Variants in NEMF observed in about 807,000 individuals in gnomAD.
The protein encoded by NEMF is ribosome quality control complex subunit NEMF.
Under a neutral mutation model 162.2 loss-of-function variants are expected in NEMF, and 89 were observed. The observed-to-expected ratio is 0.55, with a 90% CI of 0.46 to 0.65. The LOEUF (loss-of-function observed/expected upper bound fraction) is 0.65, where lower values mean the gene tolerates loss of function less well. Among genes scored for constraint, NEMF ranks in the 30% least tolerant of loss-of-function variants. The pLI is 0.00. For missense variants in NEMF, 1,133 were observed against 1,261.9 expected (o/e 0.90, Z 1.55); for synonymous variants, 421 against 404.5 (o/e 1.04, Z -0.49).
intron 18 of NEMF, among the ~76,000 whole-genome samples, chr14:49,809,855 T>C (rs2139888648): frequency 1.3e-5 from 2 of 151,668 alleles, no homozygotes; most frequent in South Asian, 4.2e-4. Flanking sequence ...AGCGAGACTC[T>C]GTCTCAAAAA....
chr14:49,784,879 A>G (rs759753320), intron 32 of NEMF, 46 bp downstream of exon 32: 2 of 1,521,920 alleles, frequency 1.3e-6, no homozygotes, highest in African/African-American at 2.8e-5. Flanking sequence ...AACATTTTAA[A>G]TTGTACTGTC....
intron 6 of NEMF, 69 bp from the exon 7 acceptor site, chr14:49,834,518 TG>T: frequency 8.5e-7 from 1 of 1,179,708 alleles, no homozygotes; most frequent in Non-Finnish European, 1.2e-6. Flanking sequence ...TTTTTTGAGA[TG>T]GAGTTTTACC....
intron 3 of NEMF, among the ~76,000 whole-genome samples, chr14:49,850,260 G>A (rs774686402): frequency 3.3e-5 from 5 of 152,110 alleles, no homozygotes; most frequent in Non-Finnish European, 2.9e-5. Flanking sequence ...GTGCCACCAC[G>A]CCTGGCTAGT....
chr14:49,783,109 T>A lies in NEMF; in HGVS notation c.*1527A>T. ...GGCCTAGAGAACCTATTTTTGTGTC[T>A]AAAGTTTACAATAAATGTATTTAAC... On this transcript the variant is annotated 3_prime_UTR_variant, in exon 33 of 33. Coordinates refer to ENST00000298310, the MANE Select transcript of NEMF (RefSeq NM_004713.6). The A allele has an allele frequency of 1.7e-6, 1 of 598,486 alleles. No individual in the cohort carries two copies. The highest frequency in any genetic ancestry group is 2.7e-6 in the Non-Finnish European group (1 of 369,804). 37.1% of individuals were successfully genotyped at this position (598,486 alleles called of 1,614,324 possible).
At chr14:49,795,747 C>T in intron 26 of NEMF, 44 bp downstream of exon 26, 1 of 1,540,526 alleles carries the variant, frequency 6.5e-7, no homozygotes, top group Non-Finnish European at 8.8e-7. Context: ...AAAAAGGAAC[C>T]TCACAAATTA....
intron 4 of NEMF, among the ~76,000 whole-genome samples, chr14:49,841,578 G>GAAAAAAAAAAAAAAAAAA (rs535773426): frequency 1.4e-5 from 1 of 73,312 alleles, no homozygotes; most frequent in African/African-American, 4.8e-5. Context: ...CTCGTCTTAA[G>GAAAAAAAAAAAAAAAAAA]AAAAAAAAAA....
At chr14:49,810,174 C>CT (rs1369184218) in intron 18 of NEMF, among the ~76,000 whole-genome samples, 1 of 151,966 alleles carries the variant, frequency 6.6e-6, no homozygotes, top group Non-Finnish European at 1.5e-5. Flanking sequence ...CAAGACCATC[C>CT]TGGCTAACAC....
At chr14:49,818,426 T>C (rs914548115) in intron 16 of NEMF, 9 of 152,064 alleles carry the variant, frequency 5.9e-5, no homozygotes, top group African/African-American at 2.2e-4. Flanking sequence ...CCTAAGCTGA[T>C]GGTGAAAAAA....
intron 4 of NEMF, among the ~76,000 whole-genome samples, chr14:49,845,212 C>T (rs184905605): frequency 1.5e-3 from 234 of 152,270 alleles, no homozygotes; most frequent in African/African-American, 5.3e-3. Context: ...CCTGCCTCAG[C>T]CTCCCGAGTA....
In NEMF at chr14:49,821,247, G is replaced by A. The variant is rs1174356333; in HGVS notation, c.1577+4620C>T. On this transcript the variant is annotated intron_variant, in intron 16 of 32. Transcript: ENST00000298310. ...CAGCCCCCGCCAGGCCAGCCGCCCC[G>A]TCCGGGAGGGAGGTGGGGGGCTCAG... Among the ~76,000 whole-genome samples the A allele has an allele frequency of 6.5e-4, 7 of 10,738 alleles. 3 individuals carry two copies. The highest frequency in any genetic ancestry group is 0.024 in the Non-Finnish European group (2 of 82). 7.0% of individuals were successfully genotyped at this position (10,738 alleles called of 152,430 possible). A position where few individuals can be genotyped will look rare whatever the true frequency, so the allele number is the denominator to read the frequency against.
In NEMF at chr14:49,838,198, T is replaced by C; in HGVS notation, c.515A>G (p.Glu172Gly). Residue 172 changes from glutamate to glycine, a missense_variant, in exon 6 of 33, where the codon GAA (glutamate) becomes GGA (glycine). Around this residue, in one of 3 missense-constraint regions of NEMF, gnomAD observed 582 missense variants for 631.5 expected, o/e 0.92. Coordinates refer to ENST00000298310, the MANE Select transcript of NEMF (RefSeq NM_004713.6). ...ACCCTTAGGTGCGCTGGCTACTATT[T>C]CAGTCAACCTGTGAAACAAAACGGA... Reference protein sequence around the residue: ...EPLLTLERLTEIVASAPKGEL... With the variant: ...EPLLTLERLTGIVASAPKGEL... 6.2e-7 allele frequency: 1 copy of C among 1,613,938 alleles called. No individual in the cohort carries two copies. Among genetic ancestry groups the C allele is most frequent in the South Asian group, 1.1e-5 (1 of 91,082 alleles).
At chr14:49,828,393 T>TA in intron 14 of NEMF, 39 bp from the exon 15 acceptor site, 1 of 1,321,910 alleles carries the variant, frequency 7.6e-7, no homozygotes, top group Non-Finnish European at 1.1e-6. Context: ...AAGTATAATA[T>TA]TTATTCTTCA....
intron 26 of NEMF, among the ~76,000 whole-genome samples, chr14:49,795,034 G>A (rs934866226): frequency 1.3e-5 from 2 of 152,002 alleles, no homozygotes; most frequent in Non-Finnish European, 2.9e-5. Context: ...GCATTTTGAA[G>A]AGTGTATTAT....
At chr14:49,846,111 C>T in intron 4 of NEMF, 29 bp downstream of exon 4, 1 of 1,597,012 alleles carries the variant, frequency 6.3e-7, no homozygotes, top group Non-Finnish European at 8.5e-7. Context: ...AGAAATTTTC[C>T]TTCACCATAT....
chr14:49,803,514 C>A (rs1490363234), intron 19 of NEMF, among the ~76,000 whole-genome samples: 1 of 150,898 alleles, frequency 6.6e-6, no homozygotes, highest in African/African-American at 2.4e-5. Flanking sequence ...TCCACTACAT[C>A]AATAATTTTC....
intron 18 of NEMF, among the ~76,000 whole-genome samples, chr14:49,811,576 G>A (rs989990632): frequency 2.6e-5 from 4 of 152,008 alleles, no homozygotes; most frequent in Non-Finnish European, 4.4e-5. Context: ...GTTAGCTGTC[G>A]GTTTTTCATA....
intron 5 of NEMF, among the ~76,000 whole-genome samples, 153 bp from the exon 6 acceptor site, chr14:49,838,359 A>G (rs1893010881): frequency 6.6e-6 from 1 of 152,186 alleles, no homozygotes. Context: ...GAGAAAATGG[A>G]TCATAAAAGA....
At chr14:49,839,067 A>T (rs1594798363) in intron 5 of NEMF, among the ~76,000 whole-genome samples, 1 of 147,550 alleles carries the variant, frequency 6.8e-6, no homozygotes, top group Non-Finnish European at 1.5e-5. Context: ...AAGCATGTTA[A>T]TTTTTTTTTT....
chr14:49,799,682 T>A lies in NEMF; in HGVS notation c.2373-4A>T. 1 of 1,609,700 alleles carries A rather than the reference T, an allele frequency of 6.2e-7. No homozygotes were observed. The highest frequency in any genetic ancestry group is 1.1e-5 in the South Asian group (1 of 90,160). ...TGAAGCCAATTTCTGGATGGACCTA[T>A]GAAAATAAACACAAGGGAGTCTCTA... On this transcript the variant is annotated splice_region_variant and splice_polypyrimidine_tract_variant and intron_variant, in intron 23 of 32. Coordinates refer to ENST00000298310, the MANE Select transcript of NEMF (RefSeq NM_004713.6).
Sources: allele counts gnomAD v4.1 joint callset (sites outside exome capture counted in the v4.1 genomes callset), GRCh38; gene constraint gnomAD v4.1.1; regional missense constraint gnomAD v4.1.1; transcripts MANE v1.5; gene names NCBI Gene and HGNC (gene_info 2026-07-23, HGNC 2026-07-21).